The following NCKAP1 variants were observed in gnomAD, a reference collection of about 807,000 sequenced individuals.
NCKAP1 encodes the protein NCK associated protein 1.
A neutral mutation model predicts 151.2 loss-of-function variants in NCKAP1; 21 were observed. That is an observed-to-expected ratio of 0.14 (90% confidence interval 0.10 to 0.20). The LOEUF (loss-of-function observed/expected upper bound fraction) is 0.20, where lower values mean the gene tolerates loss of function less well. Among genes scored for constraint, NCKAP1 ranks in the 10% least tolerant of loss-of-function variants. The pLI is 1.00. For synonymous variants in NCKAP1, 484 were observed against 451.8 expected, an observed-to-expected ratio of 1.07 and a Z score of -0.90; for missense variants, 933 against 1,352.1, an observed-to-expected ratio of 0.69 and a Z score of 4.86.
At chr2:183,005,233 G>A (rs1396357636) in intron 2 of NCKAP1, among the ~76,000 whole-genome samples, 3 of 152,116 alleles carry the variant, frequency 2.0e-5, no homozygotes, top group African/African-American at 7.2e-5. Flanking sequence ...GATATGAAGG[G>A]TATAATTTGG....
At chr2:182,944,289 A>T (rs965178556) in intron 23 of NCKAP1, among the ~76,000 whole-genome samples, 2 of 151,976 alleles carry the variant, frequency 1.3e-5, no homozygotes, top group Non-Finnish European at 1.5e-5. Flanking sequence ...ATTTTTTTTA[A>T]AAAAAAGTTT....
intron 15 of NCKAP1, among the ~76,000 whole-genome samples, chr2:182,971,165 C>A (rs905526695): frequency 6.6e-6 from 1 of 151,634 alleles, no homozygotes; most frequent in African/African-American, 2.4e-5. Context: ...GAGGCCGAGG[C>A]GGGCGGATCA....
intron 18 of NCKAP1, among the ~76,000 whole-genome samples, chr2:182,960,665 A>G (rs1392546739): frequency 1.3e-5 from 2 of 152,186 alleles, no homozygotes; most frequent in African/African-American, 4.8e-5. Flanking sequence ...TCAGGACATA[A>G]GCATGGGCAA....
At chr2:183,007,677 A>G (rs901050976) in intron 2 of NCKAP1, among the ~76,000 whole-genome samples, 1 of 152,184 alleles carries the variant, frequency 6.6e-6, no homozygotes, top group Admixed American at 6.5e-5. Context: ...AAAAAACCAA[A>G]TTCAGAAGTT....
intron 1 of NCKAP1, among the ~76,000 whole-genome samples, chr2:183,033,264 A>C (rs1699040188): frequency 6.6e-6 from 1 of 152,214 alleles, no homozygotes; most frequent in Non-Finnish European, 1.5e-5. Flanking sequence ...TGTTAAGTCA[A>C]ACCATCACAA....
At chr2:182,980,531 A>T (rs563203280) in intron 13 of NCKAP1, among the ~76,000 whole-genome samples, 22 of 152,156 alleles carry the variant, frequency 1.4e-4, no homozygotes, top group African/African-American at 4.8e-4. Context: ...ATTTCCTTAG[A>T]GTCAGTTTAT....
rs1039299514 is a variant in NCKAP1 at position 182,930,762 on chromosome 2, T to C, written c.2886A>G (p.Ser962=). 2 of 1,613,290 alleles carry C rather than the reference T, an allele frequency of 1.2e-6. No homozygotes were observed. The highest frequency in any genetic ancestry group is 1.3e-5 in the African/African-American group (1 of 74,914). ...TCTCACAAGGTAATCCGGCAGCTGA[T>C]GATAACTCATACACATTCATTGCAA... is the stretch of plus-strand genomic sequence containing the variant. ...MKVAMNVYEL[S]SAAGLPCEID... Residue 962 remains serine, a synonymous_variant, in exon 27 of 31, where the codon TCA becomes TCG. Coordinates refer to ENST00000361354, the MANE Select transcript of NCKAP1 (RefSeq NM_013436.5).
intron 23 of NCKAP1, among the ~76,000 whole-genome samples, chr2:182,949,962 T>A (rs1422091413): frequency 6.6e-6 from 1 of 152,200 alleles, no homozygotes; most frequent in East Asian, 1.9e-4. Context: ...GAGGTCACAA[T>A]TAAGATACAC....
chr2:182,992,179 A>T (rs935858139), intron 8 of NCKAP1, among the ~76,000 whole-genome samples: 1 of 152,230 alleles, frequency 6.6e-6, no homozygotes, highest in African/African-American at 2.4e-5. Flanking sequence ...AGGTCCAAAG[A>T]AAGTAGACTA....
chr2:182,998,691 G>A (rs527420220), intron 6 of NCKAP1, among the ~76,000 whole-genome samples: 2 of 151,816 alleles, frequency 1.3e-5, no homozygotes, highest in Admixed American at 6.6e-5. Context: ...TTAGCTGGGC[G>A]TGGTGACAGG....
Position 182,939,224 on chromosome 2 carries a change from T to C in NCKAP1, c.2695+2846A>G, listed in dbSNP as rs150526075. 7.0e-3 allele frequency among the ~76,000 whole-genome samples: 1,064 copies of C among 152,174 alleles called. 19 individuals carry two copies. Among genetic ancestry groups the C allele is most frequent in the African/African-American group, 0.024 (980 of 41,526 alleles). On this transcript the variant is annotated intron_variant, in intron 24 of 30. Coordinates refer to ENST00000361354, the MANE Select transcript of NCKAP1 (RefSeq NM_013436.5). ...CATAAGGAGATTTGCCCAAGTCACA[T>C]AGAAGTCTTAAAACTGATAATAAGG...
rs1553517568 is a variant in NCKAP1 at position 183,009,471 on chromosome 2, G to GC, written c.220-6147_220-6146insG. Among the ~76,000 whole-genome samples, 36 of 92,212 alleles carry GC rather than the reference G, an allele frequency of 3.9e-4. 1 individual carries two copies. The South Asian group carries it at 6.9e-3, about 18-fold the overall frequency. The allele number at this position is 92,212 out of a possible 152,430, so 60.5% of individuals were successfully genotyped here. On this transcript the variant is annotated intron_variant, in intron 2 of 30. Transcript: ENST00000361354. ...GGAAGGAAGGAAGGAAGGAAGGAAG[G>GC]AAGGAAGCAAGCAAGCAAGCAGGCA...
At position 182,918,471 on chromosome 2, in the gene NCKAP1, G is replaced by GGT. The variant is rs1696498923; in HGVS notation, c.*7229_*7230dup. ...ACCAATGAGTGGACAAAGAAAGTGT[G>GGT]GTATATATACACACCACGGAATACT... is the stretch of plus-strand genomic sequence containing the variant. On this transcript the variant is annotated 3_prime_UTR_variant, in exon 31 of 31. Transcript: ENST00000361354. The GGT allele has an allele frequency of 6.6e-6, 1 of 152,092 alleles. No individual in the cohort carries two copies. The highest frequency in any genetic ancestry group is 1.5e-5 in the Non-Finnish European group (1 of 68,018). The allele number at this position is 152,092 out of a possible 1,614,324, so 9.4% of individuals were successfully genotyped here. A position where few individuals can be genotyped will look rare whatever the true frequency, so the allele number is the denominator to read the frequency against.
rs979907753 is a variant in NCKAP1 at position 182,928,757 on chromosome 2, C to G, written c.3070+26G>C. ...ACCAAAACCCATGATTTATTCATCG[C>G]CAAAACAATTTTAAACCACTATTAC... is the stretch of plus-strand genomic sequence containing the variant. On this transcript the variant is annotated intron_variant, in intron 28 of 30. Transcript: ENST00000361354. 6.8e-6 allele frequency: 10 copies of G among 1,467,126 alleles called. No homozygotes were observed. The African/African-American group carries it at 1.3e-4, about 19-fold the overall frequency. 90.9% of individuals were successfully genotyped at this position (1,467,126 alleles called of 1,614,324 possible).
At chr2:182,978,602 T>C (rs922760224) in intron 14 of NCKAP1, among the ~76,000 whole-genome samples, 7 of 152,162 alleles carry the variant, frequency 4.6e-5, no homozygotes, top group Admixed American at 4.6e-4. Flanking sequence ...GTTTTATTGT[T>C]TTTGTTACAA....
chr2:182,986,309 T>G, intron 9 of NCKAP1, 82 bp from the exon 10 acceptor site: 1 of 1,145,900 alleles, frequency 8.7e-7, no homozygotes, highest in Non-Finnish European at 1.3e-6. Context: ...TAGAAGTCAA[T>G]TAAAAATGAC....
In NCKAP1 at chr2:183,001,960, T is replaced by C. The variant is rs1229304462; in HGVS notation, c.596A>G (p.His199Arg). 1.1e-5 allele frequency: 18 copies of C among 1,612,834 alleles called. No homozygotes were observed. Among genetic ancestry groups the C allele is most frequent in the Non-Finnish European group, 1.4e-5 (17 of 1,178,912 alleles). ...CTAACAACTGCCTCTTACCTTGCTA[T>C]GGGGTACAAATTCTTCCATCATCTT... is the stretch of plus-strand genomic sequence containing the variant. The part of the protein sequence containing the change: ...LKKMMEEFVP[H>R]SKSLSDALIS... The change falls in exon 6 of 31, where the codon CAT (histidine) becomes CGT (arginine). Residue 199 changes from histidine (H) to arginine (R), a missense_variant. This residue lies in a region of NCKAP1 where 607 missense variants were observed against 795.0 expected (regional missense o/e 0.76). Transcript: ENST00000361354.
At chr2:183,030,925 A>G (rs1464144150) in intron 1 of NCKAP1, among the ~76,000 whole-genome samples, 1 of 152,202 alleles carries the variant, frequency 6.6e-6, no homozygotes, top group Non-Finnish European at 1.5e-5. Context: ...GTTATGATGT[A>G]TATTTTGGCC....
intron 9 of NCKAP1, 128 bp downstream of exon 9, chr2:182,988,901 TC>T: frequency 3.0e-6 from 2 of 665,504 alleles, no homozygotes; most frequent in Non-Finnish European, 4.7e-6. Context: ...CTTCCTGGGA[TC>T]CAAGTCAGAT....
Sources: allele counts gnomAD v4.1 joint callset (sites outside exome capture counted in the v4.1 genomes callset), GRCh38; gene constraint gnomAD v4.1.1; regional missense constraint gnomAD v4.1.1; transcripts MANE v1.5; gene names NCBI Gene and HGNC (gene_info 2026-07-23, HGNC 2026-07-21).